Variants in MYO16 observed in about 807,000 individuals in gnomAD.
The protein encoded by MYO16 is unconventional myosin-XVI.
In MYO16, 94 loss-of-function variants were observed where a neutral mutation model predicts 205.3. The ratio of observed to expected loss-of-function variants is 0.46; its 90% confidence interval spans 0.39 to 0.54. MYO16 has a LOEUF of 0.54. MYO16 is among the 20% of genes least tolerant of loss of function. The pLI is 0.00. For missense variants in MYO16, 2,315 were observed against 2,387.5 expected (o/e 0.97, Z 0.63); for synonymous variants, 988 against 954.0 (o/e 1.04, Z -0.66).
At chr13:108,850,805 A>G (rs77847263) in intron 10 of MYO16, among the ~76,000 whole-genome samples, 2,342 of 152,306 alleles carry the variant, frequency 0.015, 62 homozygotes, top group African/African-American at 0.054. Context: ...CTGCTCTCAC[A>G]CTGGCTCTGC....
At chr13:108,780,917 T>C (rs1886280486) in intron 4 of MYO16, among the ~76,000 whole-genome samples, 1 of 152,170 alleles carries the variant, frequency 6.6e-6, no homozygotes, top group African/African-American at 2.4e-5. Context: ...GACTCATAAG[T>C]TGAAACTTCA....
At chr13:109,033,746 GGGA>G (rs1275136005) in intron 23 of MYO16, among the ~76,000 whole-genome samples, 1 of 152,162 alleles carries the variant, frequency 6.6e-6, no homozygotes, top group African/African-American at 2.4e-5. Flanking sequence ...AAAGGATCAT[GGGA>G]GGAGAAGTTA....
At chr13:108,734,737 T>C (rs9520994) in intron 4 of MYO16, among the ~76,000 whole-genome samples, 144,792 of 152,298 alleles carry the variant, frequency 0.95, 68,983 homozygotes, top group Middle Eastern at 0.99. Context: ...ACTCAGAATT[T>C]CATCTCAGCT....
At chr13:109,048,111 A>T (rs1437778597) in intron 24 of MYO16, among the ~76,000 whole-genome samples, 1 of 151,560 alleles carries the variant, frequency 6.6e-6, no homozygotes, top group African/African-American at 2.4e-5. Context: ...TTAAAAGTTT[A>T]CACAATGCTT....
chr13:108,891,215 T>G (rs1473681192), intron 14 of MYO16, among the ~76,000 whole-genome samples: 1 of 152,248 alleles, frequency 6.6e-6, no homozygotes, highest in Non-Finnish European at 1.5e-5. Context: ...AGGCTGTACA[T>G]TTGGCCTGTG....
At chr13:108,714,737 G>A (rs961110188) in intron 3 of MYO16, among the ~76,000 whole-genome samples, 9 of 151,880 alleles carry the variant, frequency 5.9e-5, no homozygotes, top group African/African-American at 9.7e-5. Context: ...CTTTATTTTT[G>A]TCCCTAACAA....
chr13:108,843,593 T>C (rs1877360812), intron 9 of MYO16, among the ~76,000 whole-genome samples: 2 of 152,206 alleles, frequency 1.3e-5, no homozygotes, highest in Admixed American at 1.3e-4. Context: ...TTTACATAGA[T>C]TGCACTTGAT....
At chr13:108,546,282 C>T in the MYO16 span, among the ~76,000 whole-genome samples, 1 of 152,154 alleles carries the variant, frequency 6.6e-6, no homozygotes, top group Non-Finnish European at 1.5e-5. Flanking sequence ...GCATCATTTC[C>T]AGAAGGCTGC....
intron 21 of MYO16, among the ~76,000 whole-genome samples, chr13:109,008,365 A>G (rs915482291): frequency 3.5e-5 from 5 of 144,516 alleles, no homozygotes; most frequent in Middle Eastern, 4.1e-3. Flanking sequence ...CTACTGTACT[A>G]TCTATCTTGT....
At chr13:108,525,031 A>C in the MYO16 span, among the ~76,000 whole-genome samples, 1 of 152,214 alleles carries the variant, frequency 6.6e-6, no homozygotes, top group Non-Finnish European at 1.5e-5. Flanking sequence ...ATAATAGTTC[A>C]TATTCAGAAC....
intron 32 of MYO16, among the ~76,000 whole-genome samples, chr13:109,159,352 C>T (rs982398130): frequency 6.6e-6 from 1 of 152,154 alleles, no homozygotes; most frequent in Non-Finnish European, 1.5e-5. Flanking sequence ...CATTGTGGTG[C>T]GTGGCTTTAC....
the MYO16 span, among the ~76,000 whole-genome samples, chr13:108,519,889 G>C: frequency 6.6e-6 from 1 of 152,038 alleles, no homozygotes; most frequent in Non-Finnish European, 1.5e-5. Flanking sequence ...GAGAAGATGA[G>C]TACTTGTACA....
In MYO16 at chr13:108,961,540, A is replaced by C. The variant is rs1414586086; in HGVS notation, c.2039A>C (p.Glu680Ala). 1.2e-6 allele frequency: 2 copies of C among 1,611,608 alleles called. No individual in the cohort carries two copies. The highest frequency in any genetic ancestry group is 4.5e-5 in the East Asian group (2 of 44,876). ...TCTCTCTGTTTGTAAAATGCATAGG[A>C]GGTGGAGAATCTGTTCGTAATTCTA... is the stretch of plus-strand genomic sequence containing the variant. ...ALNVVGFSSL[E>A]VENLFVILAA... Residue 680 changes from glutamate to alanine, a missense_variant and splice_region_variant, in exon 18 of 35, where the codon GAG (glutamate) becomes GCG (alanine). Glu to Ala is a moderately radical substitution (Grantham distance 107). Around this residue, in one of 3 missense-constraint regions of MYO16, gnomAD observed 1,213 missense variants for 1,274.4 expected, o/e 0.95. Coordinates refer to ENST00000457511, the MANE Select transcript of MYO16 (RefSeq NM_001198950.3).
At chr13:108,977,863 A>G (rs572407493) in intron 20 of MYO16, among the ~76,000 whole-genome samples, 1 of 152,226 alleles carries the variant, frequency 6.6e-6, no homozygotes, top group Admixed American at 6.5e-5. Flanking sequence ...GTTTGACTCT[A>G]TCCATAAAAC....
Position 108,820,401 on chromosome 13 carries a change from A to G in MYO16, c.932A>G (p.Glu311Gly). 1.2e-6 allele frequency: 2 copies of G among 1,605,534 alleles called. No individual in the cohort carries two copies. The highest frequency in any genetic ancestry group is 1.7e-6 in the Non-Finnish European group (2 of 1,175,596). The stretch of plus-strand genomic sequence containing the variant: ...CCACACCTCGTGAACTGTAATGAGG[A>G]GAAGGCGTCAGGTAGGTTAGGAGCA... ...ANPHLVNCNE[E>G]KASDIAASEF... is the part of the protein sequence containing the mutation. The change falls in exon 8 of 35, where the codon GAG becomes GGG. Residue 311 changes from glutamate to glycine, a missense_variant. Around this residue, in one of 3 missense-constraint regions of MYO16, gnomAD observed 1,213 missense variants for 1,274.4 expected, o/e 0.95. Coordinates refer to ENST00000457511, the MANE Select transcript of MYO16 (RefSeq NM_001198950.3).
intron 4 of MYO16, among the ~76,000 whole-genome samples, chr13:108,766,396 C>G (rs138960057): frequency 0.014 from 2,163 of 152,328 alleles, 19 homozygotes; most frequent in South Asian, 0.024. Context: ...GGCAGCCTCT[C>G]CCCTGACTGC....
intron 23 of MYO16, among the ~76,000 whole-genome samples, chr13:109,036,749 T>C (rs1023609203): frequency 2.6e-5 from 4 of 152,194 alleles, no homozygotes; most frequent in Non-Finnish European, 5.9e-5. Context: ...GACGCTGCCA[T>C]GTACTGCATG....
chr13:108,649,998 G>C (rs1880927789), intron 1 of MYO16, among the ~76,000 whole-genome samples: 1 of 152,090 alleles, frequency 6.6e-6, no homozygotes, highest in Non-Finnish European at 1.5e-5. Flanking sequence ...TGTATTTACA[G>C]TGAAAAGAAA....
At position 108,957,751 on chromosome 13, in the gene MYO16, A is replaced by G. The variant is rs1269566036; in HGVS notation, c.1989A>G (p.Lys663=). The change falls in exon 17 of 35, where the codon AAA becomes AAG. Residue 663 remains lysine (K), a synonymous_variant. Coordinates refer to ENST00000457511, the MANE Select transcript of MYO16 (RefSeq NM_001198950.3). ...GGGAGCGTTCTCTGAACAGGGAGAA[A>G]TTGGCTGTTTTGAAACGAGCCCTGA... ...STGERSLNRE[K]LAVLKRALNV... 2 of 1,613,918 alleles carry G rather than the reference A, an allele frequency of 1.2e-6. No individual in the cohort carries two copies. The highest frequency in any genetic ancestry group is 1.7e-6 in the Non-Finnish European group (2 of 1,179,802).
Sources: gnomAD v4.1 joint callset for allele counts (sites outside exome capture counted in the v4.1 genomes callset) on GRCh38, gnomAD v4.1.1 for gene constraint, gnomAD v4.1.1 regional missense constraint, MANE v1.5 for transcripts, NCBI Gene and HGNC (gene_info 2026-07-23, HGNC 2026-07-21) for gene names.